AFF2: variants seen among roughly 807,000 people sequenced by gnomAD.
The protein encoded by AFF2 is AF4/FMR2 family member 2.
In AFF2, 14 loss-of-function variants were observed where a neutral mutation model predicts 76.9. That is an observed-to-expected ratio of 0.18 (90% CI 0.12 to 0.28). AFF2 has a LOEUF of 0.28. Ranked by LOEUF, AFF2 falls within the 10% of genes least tolerant of loss-of-function variation. The pLI is 1.00. For synonymous variants in AFF2, 398 were observed against 366.7 expected (o/e 1.09, Z -0.98); for missense variants, 868 against 1,001.1 (o/e 0.87, Z 1.79).
At chrX:148,974,629 A>AT (rs1258101647) in intron 16 of AFF2, among the ~76,000 whole-genome samples, 2 of 111,824 alleles carry the variant, frequency 1.8e-5, no homozygotes, top group African/African-American at 6.5e-5. Flanking sequence ...AAAAAGAACT[A>AT]TTTTTTTAAA....
chrX:148,912,838 G>A (rs1236936817), intron 9 of AFF2, among the ~76,000 whole-genome samples: 1 of 111,268 alleles, frequency 9.0e-6, no homozygotes, highest in Non-Finnish European at 1.9e-5. Flanking sequence ...AAGCTAAGTA[G>A]TCCCCAGTGA....
chrX:148,630,644 C>T (rs970714906), intron 1 of AFF2, among the ~76,000 whole-genome samples: 2 of 111,723 alleles, frequency 1.8e-5, no homozygotes, highest in Admixed American at 9.5e-5. Flanking sequence ...CCTCTCTTGC[C>T]GCTCCTGTGT....
At chrX:148,768,340 A>G (rs184367943) in intron 3 of AFF2, among the ~76,000 whole-genome samples, 196 of 110,032 alleles carry the variant, frequency 1.8e-3, no homozygotes, top group Non-Finnish European at 3.1e-3. Context: ...CTGGCCTGGG[A>G]CATGTGTCCA....
At chrX:148,758,885 T>A (rs1239307838) in intron 3 of AFF2, among the ~76,000 whole-genome samples, 1 of 111,818 alleles carries the variant, frequency 8.9e-6, no homozygotes, top group Admixed American at 9.5e-5. Context: ...TTCCCAACTG[T>A]CCTGAGATTC....
rs2072560367 is a variant in AFF2, at chrX:148,993,733, G to A, written c.*2401G>A. On this transcript the variant is annotated 3_prime_UTR_variant, in exon 21 of 21. Transcript: ENST00000370460. ...TGACTGAGTGTAAAATATGTGCCAA[G>A]TCTGCAGCACAGTGACCAAATCTGA... The A allele has an allele frequency of 8.9e-6, 1 of 112,082 alleles. No individual in the cohort carries two copies. The highest frequency in any genetic ancestry group is 3.8e-4 in the South Asian group (1 of 2,662). The allele number at this position is 112,082 out of a possible 1,213,427, so 9.2% of individuals were successfully genotyped here. A position where few individuals can be genotyped will look rare whatever the true frequency, so the allele number is the denominator to read the frequency against.
rs1557257888 is a variant in AFF2, at chrX:148,662,349, G to A, written c.622G>A (p.Glu208Lys). The change falls in exon 3 of 21, where the codon GAA becomes AAA. Residue 208 changes from glutamate to lysine, a missense_variant. Coordinates refer to ENST00000370460, the MANE Select transcript of AFF2 (RefSeq NM_002025.4). ...VYPAEQPQIG[E>K]VEESNPSAKE... ...CCCAGCTGAACAGCCCCAGATTGGAGAAGTTGAAGAGTCAAACCCATCTGC... is the reference window on the plus strand; with the variant it reads ...CCCAGCTGAACAGCCCCAGATTGGAAAAGTTGAAGAGTCAAACCCATCTGC... 2 of 1,211,827 alleles carry A rather than the reference G, an allele frequency of 1.7e-6. No individual in the cohort carries two copies. Among genetic ancestry groups the A allele is most frequent in the South Asian group, 1.8e-5 (1 of 57,001 alleles).
At chrX:148,653,471 G>C (rs1244386555) in intron 2 of AFF2, among the ~76,000 whole-genome samples, 3 of 111,294 alleles carry the variant, frequency 2.7e-5, no homozygotes, top group African/African-American at 9.8e-5. Context: ...GAGATAGCAA[G>C]GGACAGATCA....
chrX:148,698,000 G>T (rs2054740598), intron 3 of AFF2, among the ~76,000 whole-genome samples: 1 of 112,406 alleles, frequency 8.9e-6, no homozygotes, highest in African/African-American at 3.2e-5. Flanking sequence ...ACAAATTCCA[G>T]ATCTCCTCAG....
rs782134525 is a variant in AFF2, at chrX:148,994,961, C to G, written c.*3629C>G. Reference sequence around the variant, plus strand: ...GACTACTCAGTAAAGCAATGAACTGCTTGCTTAGAGAAGCATCACTATCCC... The same window carrying G: ...GACTACTCAGTAAAGCAATGAACTGGTTGCTTAGAGAAGCATCACTATCCC... On this transcript the variant is annotated 3_prime_UTR_variant, in exon 21 of 21. Transcript: ENST00000370460. 1 of 112,037 alleles carries G rather than the reference C, an allele frequency of 8.9e-6. No homozygotes were observed. Among genetic ancestry groups the G allele is most frequent in the South Asian group, 3.8e-4 (1 of 2,610 alleles). The allele number at this position is 112,037 out of a possible 1,213,427, so 9.2% of individuals were successfully genotyped here. A position where few individuals can be genotyped will look rare whatever the true frequency, so the allele number is the denominator to read the frequency against.
intron 3 of AFF2, among the ~76,000 whole-genome samples, chrX:148,774,648 G>C (rs1267093863): frequency 1.8e-5 from 2 of 111,271 alleles, no homozygotes; most frequent in Non-Finnish European, 3.8e-5. Context: ...ATAGCAACCT[G>C]TGCAATTCTT....
intron 1 of AFF2, among the ~76,000 whole-genome samples, chrX:148,647,648 C>T (rs782647663): frequency 2.4e-4 from 27 of 111,666 alleles, no homozygotes; most frequent in Non-Finnish European, 4.5e-4. Flanking sequence ...GCATGTGAAA[C>T]TCATCTTCAT....
At chrX:148,914,350 A>G (rs1453727187) in intron 9 of AFF2, among the ~76,000 whole-genome samples, 4 of 111,973 alleles carry the variant, frequency 3.6e-5, no homozygotes, top group Non-Finnish European at 7.5e-5. Flanking sequence ...AGAATAGAAA[A>G]GAAAGGAAAG....
At chrX:148,779,634 G>A (rs1418845563) in intron 3 of AFF2, among the ~76,000 whole-genome samples, 2 of 111,542 alleles carry the variant, frequency 1.8e-5, no homozygotes, top group African/African-American at 6.5e-5. Context: ...TTGAGCCTAT[G>A]TGTGTCTTTG....
At chrX:148,793,213 G>A (rs1170685962) in intron 3 of AFF2, among the ~76,000 whole-genome samples, 1 of 99,397 alleles carries the variant, frequency 1.0e-5, no homozygotes, top group East Asian at 3.6e-4. Context: ...ACTAGGCAAA[G>A]CTGTATTCTG....
intron 3 of AFF2, among the ~76,000 whole-genome samples, chrX:148,690,736 C>T (rs1027922357): frequency 1.6e-4 from 18 of 112,485 alleles, no homozygotes; most frequent in African/African-American, 4.5e-4. Context: ...CAGCAAGGCA[C>T]TTCCTGTCTG....
chrX:148,547,302 G>C (rs6654997), intron 1 of AFF2: 1 of 108,898 alleles, frequency 9.2e-6, no homozygotes, highest in South Asian at 4.2e-4. Context: ...TGCAGTGAAG[G>C]GTCCAGAGTG....
chrX:148,500,979 T>G lies in AFF2; in HGVS notation c.-119T>G. The G allele has an allele frequency of 1.1e-6, 1 of 904,913 alleles. No individual in the cohort carries two copies. Among genetic ancestry groups the G allele is most frequent in the African/African-American group, 2.0e-5 (1 of 48,894 alleles). 74.6% of individuals were successfully genotyped at this position (904,913 alleles called of 1,213,427 possible). A position where few individuals can be genotyped will look rare whatever the true frequency, so the allele number is the denominator to read the frequency against. ...CCGATGCGGCCCGGACACTTTTAGCTGGGCGGGAGGGCTGGAGAGCCGGGG... is the reference window on the plus strand; with the variant it reads ...CCGATGCGGCCCGGACACTTTTAGCGGGGCGGGAGGGCTGGAGAGCCGGGG... On this transcript the variant is annotated 5_prime_UTR_variant, in exon 1 of 21. Coordinates refer to ENST00000370460, the MANE Select transcript of AFF2 (RefSeq NM_002025.4).
chrX:148,548,445 A>AT (rs1406485657), intron 1 of AFF2, among the ~76,000 whole-genome samples: 3 of 111,179 alleles, frequency 2.7e-5, no homozygotes, highest in Non-Finnish European at 5.7e-5. Context: ...TTATTTTATT[A>AT]TTTTTTTGAG....
intron 7 of AFF2, among the ~76,000 whole-genome samples, chrX:148,866,220 A>G (rs1438164678): frequency 8.9e-6 from 1 of 112,302 alleles, no homozygotes; most frequent in Non-Finnish European, 1.9e-5. Flanking sequence ...CAACTTAGTA[A>G]GATTCTTTGC....
Sources: allele counts gnomAD v4.1 joint callset (sites outside exome capture counted in the v4.1 genomes callset), GRCh38; gene constraint gnomAD v4.1.1; transcripts MANE v1.5; gene names NCBI Gene and HGNC (gene_info 2026-07-23, HGNC 2026-07-21).